Variants in RANBP6 observed in about 807,000 individuals in gnomAD.
RANBP6 encodes the protein RAN binding protein 6, also known as ran-binding protein 6.
Under a neutral mutation model 35.3 loss-of-function variants are expected in RANBP6, and 10 were observed. The observed-to-expected ratio is 0.28, with a 90% CI of 0.17 to 0.48. The LOEUF (loss-of-function observed/expected upper bound fraction) is 0.48, where lower values mean the gene tolerates loss of function less well. RANBP6 is among the 20% of genes least tolerant of loss of function. The probability of loss-of-function intolerance (pLI) is 0.99; values close to 1 mark genes in which losing one functional copy is unlikely to be tolerated. For synonymous variants in RANBP6, 514 were observed against 464.2 expected (o/e 1.11, Z -1.38); for missense variants, 1,392 against 1,307.7 (o/e 1.06, Z -0.99).
At position 6,012,176 on chromosome 9, in the gene RANBP6, T is replaced by C; in HGVS notation, c.*114A>G. 1 of 785,998 alleles carries C rather than the reference T, an allele frequency of 1.3e-6. No homozygotes were observed. The highest frequency in any genetic ancestry group is 1.9e-6 in the Non-Finnish European group (1 of 523,228). 48.7% of individuals were successfully genotyped at this position (785,998 alleles called of 1,614,324 possible). ...ATTCTGGAGAAACATGGAGAAGAAC[T>C]ATAAACTGCTTAGCAGGGAGAAAAC... On this transcript the variant is annotated 3_prime_UTR_variant, in exon 1 of 1. Coordinates refer to ENST00000259569, the MANE Select transcript of RANBP6 (RefSeq NM_012416.4).
Position 6,015,086 on chromosome 9 carries a change from C to T in RANBP6, c.522G>A (p.Glu174=). 1 of 1,614,152 alleles carries T rather than the reference C, an allele frequency of 6.2e-7. No homozygotes were observed. The highest frequency in any genetic ancestry group is 1.7e-5 in the Admixed American group (1 of 60,024). ...GTTTGATGATATCCAAATCATGCCG[C>T]TCTTGGGTCCCAAAAATCCCAGGAA... ...WHFPGIFGTQ[E]RHDLDIIKRL... Residue 174 remains glutamate, a synonymous_variant, in exon 1 of 1, where the codon GAG becomes GAA. Coordinates refer to ENST00000259569, the MANE Select transcript of RANBP6 (RefSeq NM_012416.4).
Position 6,012,499 on chromosome 9 carries a change from C to A in RANBP6, c.3109G>T (p.Gly1037Cys). 1 of 1,611,262 alleles carries A rather than the reference C, an allele frequency of 6.2e-7. No individual in the cohort carries two copies. Among genetic ancestry groups the A allele is most frequent in the Non-Finnish European group, 8.5e-7 (1 of 1,178,836 alleles). Residue 1037 changes from glycine (G) to cysteine (C), a missense_variant, in exon 1 of 1, where the codon GGT becomes TGT. Coordinates refer to ENST00000259569, the MANE Select transcript of RANBP6 (RefSeq NM_012416.4). ...TTGGGAAGATTGGAATTATTTGGACCAATTACAACTGGGTGGTTACTTTCA... is the reference window on the plus strand; with the variant it reads ...TTGGGAAGATTGGAATTATTTGGACAAATTACAACTGGGTGGTTACTTTCA... ...LIESNHPVVI[G>C]PNNSNLPKII... is the part of the protein sequence containing the mutation.
In RANBP6 at chr9:6,013,303, G is replaced by A; in HGVS notation, c.2305C>T (p.Pro769Ser). ...DPLIKAIGTE[P>S]DTDVLSEIMN... is the part of the protein sequence containing the mutation. ...ATTTCTGAGAGCACATCTGTATCTG[G>A]TTCAGTACCAATAGCCTTGATTAAG... The change falls in exon 1 of 1, where the codon CCA becomes TCA. Residue 769 changes from proline (P) to serine (S), a missense_variant. Pro to Ser is a moderately conservative substitution (Grantham distance 74). Coordinates refer to ENST00000259569, the MANE Select transcript of RANBP6 (RefSeq NM_012416.4). 1 of 1,614,104 alleles carries A rather than the reference G, an allele frequency of 6.2e-7. No homozygotes were observed. Among genetic ancestry groups the A allele is most frequent in the Middle Eastern group, 1.6e-4 (1 of 6,062 alleles).
Position 6,013,419 on chromosome 9 carries a change from G to A in RANBP6, c.2189C>T (p.Ala730Val). The change falls in exon 1 of 1, where the codon GCA (alanine) becomes GTA (valine). Residue 730 changes from alanine (A) to valine (V), a missense_variant. Coordinates refer to ENST00000259569, the MANE Select transcript of RANBP6 (RefSeq NM_012416.4). ...GAGAAAAGGCATGGACTCTGCTGCT[G>A]CCACTCGAACATTGTCATGGAAATA... The part of the protein sequence containing the change: ...KFYFHDNVRV[A>V]AAESMPFLLE... The A allele has an allele frequency of 3.7e-6, 6 of 1,614,206 alleles. No individual in the cohort carries two copies. The highest frequency in any genetic ancestry group is 5.1e-6 in the Non-Finnish European group (6 of 1,180,022).
rs1423535599 is a variant in RANBP6, at chr9:6,015,451, G to C, written c.157C>G (p.Leu53Val). The change falls in exon 1 of 1, where the codon CTC becomes GTC. Residue 53 changes from leucine (L) to valine (V), a missense_variant. By Grantham distance (32) the Leu-to-Val change is conservative. Transcript: ENST00000259569. The part of the protein sequence containing the change: ...NIPGLCKTTF[L>V]LDAVRNRRAG... Reference sequence around the variant, plus strand: ...CTTCTATTTCTGACGGCATCTAAGAGGAAGGTAGTCTTACACAGACCTGGG... The same window carrying C: ...CTTCTATTTCTGACGGCATCTAAGACGAAGGTAGTCTTACACAGACCTGGG... 1 of 1,614,170 alleles carries C rather than the reference G, an allele frequency of 6.2e-7. No individual in the cohort carries two copies. Among genetic ancestry groups the C allele is most frequent in the Non-Finnish European group, 8.5e-7 (1 of 1,180,038 alleles).
rs551446640 is a variant in RANBP6, at chr9:6,013,917, T to C, written c.1691A>G (p.Lys564Arg). The change falls in exon 1 of 1, where the codon AAA becomes AGA. Residue 564 changes from lysine to arginine, a missense_variant. By Grantham distance (26) the Lys-to-Arg change is conservative. Transcript: ENST00000259569. Reference protein sequence around the residue: ...VQKELKLLRGKTIECISHIGL... With the variant: ...VQKELKLLRGRTIECISHIGL... ...AATATGGCTAATGCACTCGATAGTT[T>C]TTCCTCTCAGAAGCTTGAGTTCCTT... 6 of 1,614,074 alleles carry C rather than the reference T, an allele frequency of 3.7e-6. No individual in the cohort carries two copies. The East Asian group carries it at 6.7e-5, about 18-fold the overall frequency.
At position 6,015,158 on chromosome 9, in the gene RANBP6, G is replaced by C. The variant is rs144520997; in HGVS notation, c.450C>G (p.Ser150=). The change falls in exon 1 of 1, where the codon TCC becomes TCG. Residue 150 remains serine (S), a synonymous_variant. Transcript: ENST00000259569. ...CAACTTCCCATAGAACCACATTTTT[G>C]GAGTAGATTGAATCAATAAGAAACT... is the stretch of plus-strand genomic sequence containing the variant. ...GLKFLIDSIY[S]KNVVLWEVAL... 1.9e-4 allele frequency: 302 copies of C among 1,614,086 alleles called. 1 individual carries two copies. In the African/African-American group the frequency reaches 3.6e-3, roughly 19 times the overall value.
chr9:6,015,039 T>C lies in RANBP6; in HGVS notation c.569A>G (p.Gln190Arg). ...CCTGATTGCTGGATGTTCTTGATCT[T>C]GAATACACTGGTCCAACAACCGTTT... Reference protein sequence around the residue: ...IIKRLLDQCIQDQEHPAIRTL... With the variant: ...IIKRLLDQCIRDQEHPAIRTL... The change falls in exon 1 of 1, where the codon CAA (glutamine) becomes CGA (arginine). Residue 190 changes from glutamine (Q) to arginine (R), a missense_variant. Gln to Arg is a conservative substitution (Grantham distance 43, BLOSUM62 1). Coordinates refer to ENST00000259569, the MANE Select transcript of RANBP6 (RefSeq NM_012416.4). 1 of 1,614,216 alleles carries C rather than the reference T, an allele frequency of 6.2e-7. No homozygotes were observed. Among genetic ancestry groups the C allele is most frequent in the South Asian group, 1.1e-5 (1 of 91,088 alleles).
rs758545070 is a variant in RANBP6 at position 6,012,341 on chromosome 9, T to C, written c.3267A>G (p.Gln1089=). ...AGGCTTCCTGCTGTTCATCATCAAG[T>C]TGTGATACACATTCCAACCATAAAT... The part of the protein sequence containing the change: ...SEDLWLECVS[Q]LDDEQQEALQ... The change falls in exon 1 of 1, where the codon CAA becomes CAG. Residue 1089 remains glutamine (Q), a synonymous_variant. Transcript: ENST00000259569. 1 of 1,601,058 alleles carries C rather than the reference T, an allele frequency of 6.2e-7. No individual in the cohort carries two copies. The highest frequency in any genetic ancestry group is 8.5e-7 in the Non-Finnish European group (1 of 1,176,144).
chr9:6,014,915 C>T lies in RANBP6; in HGVS notation c.693G>A (p.Gln231=), dbSNP rs1031370014. 2 of 1,613,976 alleles carry T rather than the reference C, an allele frequency of 1.2e-6. No homozygotes were observed. Among genetic ancestry groups the T allele is most frequent in the African/African-American group, 2.7e-5 (2 of 74,918 alleles). The stretch of plus-strand genomic sequence containing the variant: ...CCTGGTAGCATGAGTCATTCACAGC[C>T]TGTAAGATTCCAGGAAGCAAGTCTG... ...DFADLLPGIL[Q]AVNDSCYQDD... The change falls in exon 1 of 1, where the codon CAG becomes CAA. Residue 231 remains glutamine, a synonymous_variant. Coordinates refer to ENST00000259569, the MANE Select transcript of RANBP6 (RefSeq NM_012416.4).
In RANBP6 at chr9:6,014,899, A is replaced by G; in HGVS notation, c.709T>C (p.Cys237Arg). The G allele has an allele frequency of 1.2e-6, 2 of 1,614,156 alleles. No homozygotes were observed. Among genetic ancestry groups the G allele is most frequent in the East Asian group, 2.2e-5 (1 of 44,890 alleles). The part of the protein sequence containing the change: ...PGILQAVNDS[C>R]YQDDDSVLES... ...AGCACTGAATCATCATCCTGGTAGCATGAGTCATTCACAGCCTGTAAGATT... is the reference window on the plus strand; with the variant it reads ...AGCACTGAATCATCATCCTGGTAGCGTGAGTCATTCACAGCCTGTAAGATT... Residue 237 changes from cysteine (C) to arginine (R), a missense_variant, in exon 1 of 1, where the codon TGC becomes CGC. Cys to Arg is a radical substitution (Grantham distance 180). Coordinates refer to ENST00000259569, the MANE Select transcript of RANBP6 (RefSeq NM_012416.4).
rs1332999693 is a variant in RANBP6, at chr9:6,013,881, A to G, written c.1727T>C (p.Val576Ala). 3.1e-6 allele frequency: 5 copies of G among 1,613,800 alleles called. No homozygotes were observed. In the East Asian group the frequency reaches 6.7e-5, roughly 22 times the overall value. Residue 576 changes from valine to alanine, a missense_variant, in exon 1 of 1, where the codon GTT becomes GCT. Physicochemically the swap from Val to Ala is moderately conservative, Grantham distance 64. Transcript: ENST00000259569. ...ATCTTGCATAAATTTTTCCTTCCCA[A>G]CAGCAAGACCAATATGGCTAATGCA... ...IECISHIGLA[V>A]GKEKFMQDAS...
chr9:6,014,344 T>A lies in RANBP6; in HGVS notation c.1264A>T (p.Arg422Trp). 1.9e-6 allele frequency: 3 copies of A among 1,613,938 alleles called. No homozygotes were observed. The highest frequency in any genetic ancestry group is 2.5e-6 in the Non-Finnish European group (3 of 1,179,764). ...GTAGTACAGGCTGCAGCCCTCACCC[T>A]TGGATGAGGATCCTGAAGAAAAAGC... is the stretch of plus-strand genomic sequence containing the variant. ...VLLFLQDPHP[R>W]VRAAACTTLG... The change falls in exon 1 of 1, where the codon AGG (arginine) becomes TGG (tryptophan). Residue 422 changes from arginine (R) to tryptophan (W), a missense_variant. Transcript: ENST00000259569.
rs1207511012 is a variant in RANBP6 at position 6,012,695 on chromosome 9, T to C, written c.2913A>G (p.Lys971=). ...KVIKCANSKT[K]KNVIATENCI... ...AGTTCTCTGTAGCAATGACATTTTT[T>C]TTGGTTTTGGAATTTGCACACTTAA... Residue 971 remains lysine (K), a synonymous_variant, in exon 1 of 1, where the codon AAA becomes AAG. Coordinates refer to ENST00000259569, the MANE Select transcript of RANBP6 (RefSeq NM_012416.4). 1 of 1,613,934 alleles carries C rather than the reference T, an allele frequency of 6.2e-7. No individual in the cohort carries two copies. Among genetic ancestry groups the C allele is most frequent in the Non-Finnish European group, 8.5e-7 (1 of 1,179,962 alleles).
Position 6,011,298 on chromosome 9 carries a change from C to A in RANBP6, c.*992G>T, listed in dbSNP as rs1842465810. ...ATGCACATCTACTGCTAAATGACTA[C>A]TCTCAAAGTTGTTTTCTTTTTCATG... On this transcript the variant is annotated 3_prime_UTR_variant, in exon 1 of 1. Transcript: ENST00000259569. 6.6e-6 allele frequency: 1 copy of A among 152,176 alleles called. No homozygotes were observed. The highest frequency in any genetic ancestry group is 6.5e-5 in the Admixed American group (1 of 15,284). 9.4% of individuals were successfully genotyped at this position (152,176 alleles called of 1,614,324 possible).
rs1400787133 is a variant in RANBP6, at chr9:6,014,976, G to A, written c.632C>T (p.Ala211Val). 1.2e-6 allele frequency: 2 copies of A among 1,614,106 alleles called. No homozygotes were observed. The highest frequency in any genetic ancestry group is 2.7e-5 in the African/African-American group (2 of 74,946). Reference sequence around the variant, plus strand: ...GAAAAGAGCAATATTATTCTCATTAGCAAGTACAAATGCAGCTGCAGCTCT... The same window carrying A: ...GAAAAGAGCAATATTATTCTCATTAACAAGTACAAATGCAGCTGCAGCTCT... ...SARAAAAFVL[A>V]NENNIALFKD... The change falls in exon 1 of 1, where the codon GCT (alanine) becomes GTT (valine). Residue 211 changes from alanine to valine, a missense_variant. Ala to Val is a moderately conservative substitution (Grantham distance 64). Coordinates refer to ENST00000259569, the MANE Select transcript of RANBP6 (RefSeq NM_012416.4).
Position 6,014,446 on chromosome 9 carries a change from T to C in RANBP6, c.1162A>G (p.Met388Val), listed in dbSNP as rs75343172. The C allele has an allele frequency of 6.2e-7, 1 of 1,614,228 alleles. No individual in the cohort carries two copies. Among genetic ancestry groups the C allele is most frequent in the African/African-American group, 1.3e-5 (1 of 75,050 alleles). The change falls in exon 1 of 1, where the codon ATG (methionine) becomes GTG (valine). Residue 388 changes from methionine (M) to valine (V), a missense_variant. Coordinates refer to ENST00000259569, the MANE Select transcript of RANBP6 (RefSeq NM_012416.4). ...PDWKYRHAGLMALSAIGEGCH... is the reference protein window; with the variant it reads ...PDWKYRHAGLVALSAIGEGCH... The stretch of plus-strand genomic sequence containing the variant: ...CCTTCTCCAATGGCAGATAAGGCCA[T>C]TAATCCAGCATGTCGATACTTCCAG...
rs757383190 is a variant in RANBP6, at chr9:6,015,374, C to A, written c.234G>T (p.Leu78Phe). 2 of 1,614,092 alleles carry A rather than the reference C, an allele frequency of 1.2e-6. No homozygotes were observed. The highest frequency in any genetic ancestry group is 1.7e-6 in the Non-Finnish European group (2 of 1,180,038). Reference protein sequence around the residue: ...QMAAALLRRLLSSGFEEVYPN... With the variant: ...QMAAALLRRLFSSGFEEVYPN... Reference sequence around the variant, plus strand: ...GATAAACCTCCTCAAACCCAGAGGACAAAAGCCGTCGTAGCAGTGCGGCAG... The same window carrying A: ...GATAAACCTCCTCAAACCCAGAGGAAAAAAGCCGTCGTAGCAGTGCGGCAG... The change falls in exon 1 of 1, where the codon TTG becomes TTT. Residue 78 changes from leucine to phenylalanine, a missense_variant. Physicochemically the swap from Leu to Phe is conservative, Grantham distance 22. Coordinates refer to ENST00000259569, the MANE Select transcript of RANBP6 (RefSeq NM_012416.4).
In RANBP6 at chr9:6,013,855, C is replaced by G. The variant is rs1297212650; in HGVS notation, c.1753G>C (p.Ala585Pro). The stretch of plus-strand genomic sequence containing the variant: ...AACAACAGCTGCATCACATTTGATG[C>G]ATCTTGCATAAATTTTTCCTTCCCA... ...AVGKEKFMQDASNVMQLLLKT... is the reference protein window; with the variant it reads ...AVGKEKFMQDPSNVMQLLLKT... The change falls in exon 1 of 1, where the codon GCA becomes CCA. Residue 585 changes from alanine to proline, a missense_variant. Physicochemically the swap from Ala to Pro is conservative, Grantham distance 27. Coordinates refer to ENST00000259569, the MANE Select transcript of RANBP6 (RefSeq NM_012416.4). 6.2e-7 allele frequency: 1 copy of G among 1,613,758 alleles called. No homozygotes were observed. The highest frequency in any genetic ancestry group is 1.3e-5 in the African/African-American group (1 of 74,934).
Sources: allele counts gnomAD v4.1 joint callset, GRCh38; gene constraint gnomAD v4.1.1; transcripts MANE v1.5; gene names NCBI Gene and HGNC (gene_info 2026-07-23, HGNC 2026-07-21).